Variants in CCDC110 observed in about 807,000 individuals in gnomAD.
CCDC110 encodes the protein coiled-coil domain-containing protein 110.
Under a neutral mutation model 77.1 loss-of-function variants are expected in CCDC110, and 70 were observed. The observed-to-expected ratio is 0.91, with a 90% CI of 0.75 to 1.11. The LOEUF is 1.11. Ranked by LOEUF, CCDC110 falls within the 50% of genes least tolerant of loss-of-function variation. The probability of loss-of-function intolerance (pLI) is 0.00; values close to 1 mark genes in which losing one functional copy is unlikely to be tolerated. For missense variants in CCDC110, 868 were observed against 942.9 expected (o/e 0.92, Z 1.04); for synonymous variants, 295 against 312.5 (o/e 0.94, Z 0.59).
intron 1 of CCDC110, 126 bp downstream of exon 1, chr4:185,471,548 G>T (rs1205814453): frequency 9.5e-6 from 10 of 1,048,542 alleles, no homozygotes; most frequent in Non-Finnish European, 1.4e-5. Flanking sequence ...GGAGATGTGC[G>T]GCGAGTGCAG....
chr4:185,465,529 CG>C (rs1374617584), intron 2 of CCDC110, among the ~76,000 whole-genome samples: 1 of 152,148 alleles, frequency 6.6e-6, no homozygotes, highest in East Asian at 1.9e-4. Context: ...GAGGACACGT[CG>C]GAGCAGGAGA....
Position 185,459,161 on chromosome 4 carries a change from A to C in CCDC110, c.1426T>G (p.Tyr476Asp), listed in dbSNP as rs34396844. The C allele has an allele frequency of 2.3e-3, 3,657 of 1,599,686 alleles. 18 individuals carry two copies. Among genetic ancestry groups the C allele is most frequent in the South Asian group, 9.2e-3 (811 of 87,874 alleles). ...ACCAGATTCTTAAGTTGCTTTTCAT[A>C]TGTTTCAACTTTCTGTATGAGAGAT... ...TQSLIQKVET[Y>D]EKQLKNLVEE... Residue 476 changes from tyrosine to aspartate, a missense_variant, in exon 6 of 7, where the codon TAT becomes GAT. Transcript: ENST00000307588.
intron 6 of CCDC110, chr4:185,457,083 C>G: frequency 2.9e-6 from 1 of 339,298 alleles, no homozygotes; most frequent in Middle Eastern, 1.0e-3. Context: ...TGGAGTTTAT[C>G]CCAGGAATTC....
chr4:185,459,170 C>T lies in CCDC110; in HGVS notation c.1417G>A (p.Val473Ile). 1 of 1,600,264 alleles carries T rather than the reference C, an allele frequency of 6.2e-7. No individual in the cohort carries two copies. Among genetic ancestry groups the T allele is most frequent in the Non-Finnish European group, 8.5e-7 (1 of 1,175,078 alleles). The change falls in exon 6 of 7, where the codon GTT becomes ATT. Residue 473 changes from valine to isoleucine, a missense_variant. Coordinates refer to ENST00000307588, the MANE Select transcript of CCDC110 (RefSeq NM_152775.4). The stretch of plus-strand genomic sequence containing the variant: ...TTAAGTTGCTTTTCATATGTTTCAA[C>T]TTTCTGTATGAGAGATTGTGTGGTA... ...IFTTQSLIQK[V>I]ETYEKQLKNL... is the part of the protein sequence containing the mutation.
At chr4:185,464,163 C>CTAGGCTGA (rs1450047394) in intron 2 of CCDC110, among the ~76,000 whole-genome samples, 1 of 152,168 alleles carries the variant, frequency 6.6e-6, no homozygotes, top group Non-Finnish European at 1.5e-5. Flanking sequence ...GAACGTTCCC[C>CTAGGCTGA]TAGGCTGATA....
chr4:185,463,623 A>C (rs1387506613), intron 2 of CCDC110, among the ~76,000 whole-genome samples: 1 of 152,174 alleles, frequency 6.6e-6, no homozygotes, highest in Admixed American at 6.5e-5. Flanking sequence ...GACTCTTTTT[A>C]AAGTCCTCGT....
At position 185,445,546 on chromosome 4, in the gene CCDC110, T is replaced by A; in HGVS notation, c.2462-4A>T. ...CTGTCTTTAACTTTGAAATAACCTA[T>A]GAAAATAGAAAATATTCTGGTTAAT... On this transcript the variant is annotated splice_polypyrimidine_tract_variant and splice_region_variant and intron_variant, in intron 6 of 6. Coordinates refer to ENST00000307588, the MANE Select transcript of CCDC110 (RefSeq NM_152775.4). 1 of 1,526,894 alleles carries A rather than the reference T, an allele frequency of 6.5e-7. No homozygotes were observed. The highest frequency in any genetic ancestry group is 1.2e-5 in the South Asian group (1 of 86,188). The allele number at this position is 1,526,894 out of a possible 1,614,324, so 94.6% of individuals were successfully genotyped here. A position where few individuals can be genotyped will look rare whatever the true frequency, so the allele number is the denominator to read the frequency against.
chr4:185,470,880 G>A (rs1388962818), intron 2 of CCDC110, 65 bp downstream of exon 2: 1 of 1,157,804 alleles, frequency 8.6e-7, no homozygotes, highest in African/African-American at 1.5e-5. Context: ...GTGAGCAGGT[G>A]GCACAGGCCA....
chr4:185,468,095 T>A lies in CCDC110; in HGVS notation c.115+2850A>T, dbSNP rs1411535274. Among the ~76,000 whole-genome samples, 1 of 152,216 alleles carries A rather than the reference T, an allele frequency of 6.6e-6. No homozygotes were observed. The highest frequency in any genetic ancestry group is 1.5e-5 in the Non-Finnish European group (1 of 68,042). On this transcript the variant is annotated intron_variant, in intron 2 of 6. Coordinates refer to ENST00000307588, the MANE Select transcript of CCDC110 (RefSeq NM_152775.4). The surrounding 1 kb of genome is among the most constrained non-coding windows in gnomAD (Gnocchi z 4.5). ...CAGGTTCTAATACTGAGTTCTGCTG[T>A]GACAATTCAAGTTCATTCCTAGATG...
At chr4:185,461,259 C>T in intron 4 of CCDC110, 100 bp from the exon 5 acceptor site, 2 of 589,304 alleles carry the variant, frequency 3.4e-6, no homozygotes, top group Non-Finnish European at 3.0e-6. Context: ...TTTAAATTTC[C>T]TGCCCATAAA....
chr4:185,460,121 G>C lies in CCDC110; in HGVS notation c.466C>G (p.Gln156Glu). 1 of 1,613,596 alleles carries C rather than the reference G, an allele frequency of 6.2e-7. No homozygotes were observed. The highest frequency in any genetic ancestry group is 8.5e-7 in the Non-Finnish European group (1 of 1,179,904). Residue 156 changes from glutamine (Q) to glutamate (E), a missense_variant, in exon 6 of 7, where the codon CAA (glutamine) becomes GAA (glutamate). Coordinates refer to ENST00000307588, the MANE Select transcript of CCDC110 (RefSeq NM_152775.4). Reference protein sequence around the residue: ...LSGDSVNSLPQSVNVPSQIHS... With the variant: ...LSGDSVNSLPESVNVPSQIHS... ...ATCTGGGATGGAACATTTACACTTT[G>C]AGGGAGACTGTTCACACTATCACCA...
In CCDC110 at chr4:185,458,132, A is replaced by T. The variant is rs34800518; in HGVS notation, c.2455T>A (p.Leu819Met). ...SPQSRPLASD[L>M]KGYFKVKDRT... ...TCTACCAGGACTTGCGTACCTTTCA[A>T]ATCCGAAGCCAAAGGCCTACTCTGA... The change falls in exon 6 of 7, where the codon TTG (leucine) becomes ATG (methionine). Residue 819 changes from leucine (L) to methionine (M), a missense_variant. Physicochemically the swap from Leu to Met is conservative, Grantham distance 15. Coordinates refer to ENST00000307588, the MANE Select transcript of CCDC110 (RefSeq NM_152775.4). The T allele has an allele frequency of 0.014, 21,186 of 1,547,860 alleles. 183 individuals carry two copies. The highest frequency in any genetic ancestry group is 0.017 in the Non-Finnish European group (19,095 of 1,157,098).
intron 2 of CCDC110, 105 bp downstream of exon 2, chr4:185,470,840 G>T: frequency 2.4e-6 from 2 of 832,408 alleles, no homozygotes; most frequent in Non-Finnish European, 4.2e-6. Flanking sequence ...GCTGCTGTCC[G>T]TGTCATCACG....
Position 185,458,442 on chromosome 4 carries a change from A to C in CCDC110, c.2145T>G (p.Asn715Lys), listed in dbSNP as rs1385683637. The change falls in exon 6 of 7, where the codon AAT (asparagine) becomes AAG (lysine). Residue 715 changes from asparagine to lysine, a missense_variant. Transcript: ENST00000307588. ...TCTTTAGTTCTTCTTTTAGAATCTG[A>C]TTATCTGTTTTGGTTTCCATTACCA... ...SKMVMETKTDNQILKEELKKH... is the reference protein window; with the variant it reads ...SKMVMETKTDKQILKEELKKH... 1 of 1,598,744 alleles carries C rather than the reference A, an allele frequency of 6.3e-7. No homozygotes were observed. Among genetic ancestry groups the C allele is most frequent in the East Asian group, 2.2e-5 (1 of 44,648 alleles).
In CCDC110 at chr4:185,463,027, T is replaced by TGA. The variant is rs1480266576; in HGVS notation, c.136_137dup (p.Glu47GlnfsTer11). On this transcript the variant is annotated frameshift_variant, in exon 3 of 7. Coordinates refer to ENST00000307588, the MANE Select transcript of CCDC110 (RefSeq NM_152775.4). LOFTEE classifies it high-confidence loss of function. ...CTGATTGTGGTTGGATTTGATTTTC[T>TGA]GATTCTGCTATGCAGCCATATTCTA... is the stretch of plus-strand genomic sequence containing the variant. 3.1e-6 allele frequency: 5 copies of TGA among 1,613,594 alleles called. No individual in the cohort carries two copies. In the Admixed American group the frequency reaches 6.7e-5, roughly 22 times the overall value.
chr4:185,461,722 T>G (rs1301208452), intron 4 of CCDC110, among the ~76,000 whole-genome samples: 1 of 152,212 alleles, frequency 6.6e-6, no homozygotes, highest in African/African-American at 2.4e-5. Context: ...AGCGGCCACC[T>G]GACAGTGATT....
intron 2 of CCDC110, 156 bp downstream of exon 2, chr4:185,470,789 T>C: frequency 1.4e-6 from 1 of 729,708 alleles, no homozygotes; most frequent in Non-Finnish European, 2.5e-6. Flanking sequence ...ATCCATTACG[T>C]GCTTAGAACA....
chr4:185,447,670 G>A (rs1015620320), intron 6 of CCDC110, among the ~76,000 whole-genome samples: 21 of 152,106 alleles, frequency 1.4e-4, no homozygotes, highest in African/African-American at 4.6e-4. Flanking sequence ...CTCATTAGGA[G>A]TATTAGAACC....
intron 2 of CCDC110, among the ~76,000 whole-genome samples, chr4:185,466,114 A>ATG (rs2095655238): frequency 6.6e-6 from 1 of 152,114 alleles, no homozygotes; most frequent in Non-Finnish European, 1.5e-5. Context: ...AGTGGCTCGC[A>ATG]CCTGTAATCC....
Sources: allele counts gnomAD v4.1 joint callset (sites outside exome capture counted in the v4.1 genomes callset), GRCh38; gene constraint gnomAD v4.1.1; non-coding constraint Gnocchi (gnomAD v3.1); transcripts MANE v1.5; gene names NCBI Gene and HGNC (gene_info 2026-07-23, HGNC 2026-07-21).